LARGE1: variants seen among roughly 807,000 people sequenced by gnomAD.
LARGE1 encodes the protein LARGE xylosyl- and glucuronyltransferase 1.
A neutral mutation model predicts 87.6 loss-of-function variants in LARGE1; 43 were observed. That is an observed-to-expected ratio of 0.49 (90% CI 0.38 to 0.63). The LOEUF is 0.63. Ranked by LOEUF, LARGE1 falls within the 30% of genes least tolerant of loss-of-function variation. The pLI is 0.00. For synonymous variants in LARGE1, 434 were observed against 394.6 expected (o/e 1.10, Z -1.18); for missense variants, 802 against 1,000.2 (o/e 0.80, Z 2.67).
In LARGE1 at chr22:33,484,911, G is replaced by GTTTTTT. The variant is rs545498648; in HGVS notation, c.788-52652_788-52647dup. Among the ~76,000 whole-genome samples, 3 of 130,384 alleles carry GTTTTTT rather than the reference G, an allele frequency of 2.3e-5. No individual in the cohort carries two copies. In the Admixed American group the frequency reaches 2.3e-4, roughly 10 times the overall value. The allele number at this position is 130,384 out of a possible 152,430, so 85.5% of individuals were successfully genotyped here. A position where few individuals can be genotyped will look rare whatever the true frequency, so the allele number is the denominator to read the frequency against. ...CTCACCCAAAGTAAATAATGAGGTG[G>GTTTTTT]TTTTTTTTTTTTTTTTTTGAGACAG... On this transcript the variant is annotated intron_variant, in intron 6 of 14. Transcript: ENST00000397394.
intron 6 of LARGE1, among the ~76,000 whole-genome samples, chr22:33,555,227 T>C (rs762061): frequency 0.47 from 72,107 of 151,992 alleles, 17,519 homozygotes; most frequent in Admixed American, 0.56. Context: ...TTTTTATATA[T>C]CAGGGACTTG....
chr22:33,266,904 T>A (rs1435614229), intron 11 of LARGE1, among the ~76,000 whole-genome samples: 2 of 151,680 alleles, frequency 1.3e-5, no homozygotes, highest in Non-Finnish European at 2.9e-5. Context: ...CTTCACCAAT[T>A]ACTCAATCTC....
chr22:33,739,770 A>G (rs16992923), intron 2 of LARGE1, among the ~76,000 whole-genome samples: 7,326 of 152,286 alleles, frequency 0.048, 273 homozygotes, highest in East Asian at 0.21. Flanking sequence ...ATGAAGATTA[A>G]TATCTCCTCC....
chr22:33,810,912 C>T lies in LARGE1; in HGVS notation c.-82-49354G>A, dbSNP rs548488013. Among the ~76,000 whole-genome samples, 173 of 152,160 alleles carry T rather than the reference C, an allele frequency of 1.1e-3. 1 individual carries two copies. Among genetic ancestry groups the T allele is most frequent in the African/African-American group, 3.7e-3 (152 of 41,516 alleles). ...CTAATTTTTGTATTTTTAGTACAGA[C>T]GGGGTTTCACCATGTTGGCCAGGAT... On this transcript the variant is annotated intron_variant, in intron 1 of 14. Coordinates refer to ENST00000397394, the MANE Select transcript of LARGE1 (RefSeq NM_133642.5).
intron 1 of LARGE1, among the ~76,000 whole-genome samples, chr22:33,869,177 G>A (rs914455089): frequency 2.6e-5 from 4 of 152,028 alleles, no homozygotes; most frequent in African/African-American, 9.7e-5. Flanking sequence ...CAGCTCCTTT[G>A]GATCCACTTA....
At chr22:33,671,393 A>T (rs1308185700) in intron 2 of LARGE1, among the ~76,000 whole-genome samples, 3 of 152,256 alleles carry the variant, frequency 2.0e-5, no homozygotes, top group African/African-American at 4.8e-5. Flanking sequence ...AGTAAATACT[A>T]TACGTAAAGT....
At chr22:33,283,782 AG>A (rs893919869) in intron 12 of LARGE1, among the ~76,000 whole-genome samples, 2 of 151,314 alleles carry the variant, frequency 1.3e-5, no homozygotes, top group Non-Finnish European at 2.9e-5. Context: ...GTCAAAAAAA[AG>A]GTGGGGGGAA....
rs560656567 is a variant in LARGE1 at position 33,513,347 on chromosome 22, C to T, written c.787+51501G>A. On this transcript the variant is annotated intron_variant, in intron 6 of 14. Coordinates refer to ENST00000397394, the MANE Select transcript of LARGE1 (RefSeq NM_133642.5). Reference sequence around the variant, plus strand: ...AGGTAATAAGAAAAGCTGCCCAAGTCTAAACTTTGGCTGAGATTCCTCTGT... The same window carrying T: ...AGGTAATAAGAAAAGCTGCCCAAGTTTAAACTTTGGCTGAGATTCCTCTGT... Among the ~76,000 whole-genome samples the T allele has an allele frequency of 6.6e-5, 10 of 152,284 alleles. No homozygotes were observed. The South Asian group carries it at 2.1e-3, about 32-fold the overall frequency.
the LARGE1 span, among the ~76,000 whole-genome samples, chr22:33,128,243 A>G: frequency 6.6e-6 from 1 of 152,236 alleles, no homozygotes; most frequent in East Asian, 1.9e-4. Context: ...CAGCAATCCC[A>G]TTGCTGGGTA....
downstream of LARGE1, among the ~76,000 whole-genome samples, chr22:33,269,386 C>T (rs1453237806): frequency 6.6e-6 from 1 of 152,206 alleles, no homozygotes; most frequent in Non-Finnish European, 1.5e-5. Context: ...TAATGAATTG[C>T]ACTTACATGA....
intron 6 of LARGE1, among the ~76,000 whole-genome samples, chr22:33,490,963 G>C (rs2069815052): frequency 6.6e-6 from 1 of 152,094 alleles, no homozygotes; most frequent in African/African-American, 2.4e-5. Flanking sequence ...CATGTTCTCT[G>C]AGAGAAAGTG....
intron 1 of LARGE1, among the ~76,000 whole-genome samples, chr22:33,870,840 T>C (rs192546922): frequency 2.6e-5 from 4 of 152,330 alleles, no homozygotes; most frequent in Non-Finnish European, 4.4e-5. Context: ...AGTGCTAGGA[T>C]TACAGGCGTG....
intron 4 of LARGE1, among the ~76,000 whole-genome samples, chr22:33,615,782 C>A (rs2079565018): frequency 1.3e-5 from 2 of 151,766 alleles, no homozygotes; most frequent in Admixed American, 1.3e-4. Context: ...GATAAGCAAC[C>A]TGTATCCACA....
upstream of LARGE1, among the ~76,000 whole-genome samples, chr22:33,920,649 C>G (rs1317770601): frequency 6.9e-6 from 1 of 145,180 alleles, no homozygotes; most frequent in Non-Finnish European, 1.5e-5. Context: ...GGGAGGCGCC[C>G]CGGGAAGGTC....
chr22:33,298,604 C>T (rs564870904), intron 12 of LARGE1, among the ~76,000 whole-genome samples: 3 of 152,208 alleles, frequency 2.0e-5, no homozygotes, highest in Non-Finnish European at 4.4e-5. Context: ...AGGAGCACTG[C>T]TTGAGCCCAG....
the LARGE1 span, among the ~76,000 whole-genome samples, chr22:33,125,273 T>C: frequency 6.6e-6 from 1 of 152,126 alleles, no homozygotes; most frequent in Non-Finnish European, 1.5e-5. Flanking sequence ...CAGGCATTCA[T>C]TCAACAAATA....
intron 1 of LARGE1, among the ~76,000 whole-genome samples, chr22:33,878,557 T>C (rs978229165): frequency 6.6e-6 from 1 of 152,212 alleles, no homozygotes; most frequent in Non-Finnish European, 1.5e-5. Flanking sequence ...TACATCTCAA[T>C]ATATAAATAC....
At chr22:33,181,450 T>A (rs1454904966) in intron 11 of LARGE1, among the ~76,000 whole-genome samples, 1 of 152,188 alleles carries the variant, frequency 6.6e-6, no homozygotes, top group East Asian at 1.9e-4. Flanking sequence ...GAAGTTACAC[T>A]GCTAGGAAGT....
chr22:33,748,024 C>CAAAAAAAAAAAAAAAAAA (rs535230421), intron 2 of LARGE1, among the ~76,000 whole-genome samples: 1 of 21,736 alleles, frequency 4.6e-5, no homozygotes, highest in Non-Finnish European at 1.2e-4. Context: ...TCTGCTGGAG[C>CAAAAAAAAAAAAAAAAAA]AAAAAAAAAA....
Sources: allele counts gnomAD v4.1 joint callset (sites outside exome capture counted in the v4.1 genomes callset), GRCh38; gene constraint gnomAD v4.1.1; transcripts MANE v1.5; gene names NCBI Gene and HGNC (gene_info 2026-07-23, HGNC 2026-07-21).